PARD3B: variants seen among roughly 807,000 people sequenced by gnomAD.
PARD3B encodes the protein partitioning defective 3 homolog B.
In PARD3B, 103 loss-of-function variants were observed where a neutral mutation model predicts 130.2. The ratio of observed to expected loss-of-function variants is 0.79; its 90% CI spans 0.67 to 0.93. The LOEUF is 0.93. PARD3B is among the 40% of genes least tolerant of loss of function. PARD3B has a pLI of 0.00. For synonymous variants in PARD3B, 583 were observed against 553.2 expected, an observed-to-expected ratio of 1.05 and a Z score of -0.76; for missense variants, 1,609 against 1,499.2, an observed-to-expected ratio of 1.07 and a Z score of -1.21.
intron 18 of PARD3B, chr2:205,347,890 G>A (rs2043850431): frequency 6.6e-6 from 1 of 150,724 alleles, no homozygotes; most frequent in Non-Finnish European, 1.5e-5. Context: ...AGCAGGAGCT[G>A]AGAAATAGGA....
intron 1 of PARD3B, among the ~76,000 whole-genome samples, chr2:204,572,837 C>T (rs2032072219): frequency 6.6e-6 from 1 of 152,150 alleles, no homozygotes; most frequent in African/African-American, 2.4e-5. Flanking sequence ...TATGTAGTTC[C>T]TACCCTCTTG....
intron 13 of PARD3B, among the ~76,000 whole-genome samples, chr2:205,180,353 T>G (rs2035720728): frequency 6.6e-6 from 1 of 151,772 alleles, no homozygotes; most frequent in African/African-American, 2.4e-5. Flanking sequence ...TATAAAAGAG[T>G]ATCATGGCCA....
At chr2:205,103,723 G>GC (rs2125573710) in intron 4 of PARD3B, 1 of 985,418 alleles carries the variant, frequency 1.0e-6, no homozygotes, top group South Asian at 4.7e-5. Context: ...GGAAGCAGCA[G>GC]CATCAGGCGT....
At chr2:205,100,911 T>A (rs1194063736) in intron 4 of PARD3B, among the ~76,000 whole-genome samples, 1 of 152,112 alleles carries the variant, frequency 6.6e-6, no homozygotes, top group Non-Finnish European at 1.5e-5. Flanking sequence ...AAGGTGTACA[T>A]CTTTGTGACC....
intron 2 of PARD3B, among the ~76,000 whole-genome samples, chr2:204,862,790 A>G (rs2045263979): frequency 6.6e-6 from 1 of 152,178 alleles, no homozygotes; most frequent in Admixed American, 6.5e-5. Flanking sequence ...CGACCAGGAA[A>G]GATTAGGCTT....
At chr2:205,507,013 C>G (rs1246664300) in intron 21 of PARD3B, among the ~76,000 whole-genome samples, 1 of 151,952 alleles carries the variant, frequency 6.6e-6, no homozygotes, top group Non-Finnish European at 1.5e-5. Context: ...AAGGGGCTAC[C>G]TGAGGTAGAA....
chr2:205,085,148 T>C (rs1049656460), intron 4 of PARD3B, among the ~76,000 whole-genome samples: 1 of 152,060 alleles, frequency 6.6e-6, no homozygotes, highest in Non-Finnish European at 1.5e-5. Flanking sequence ...AGGTTGGAAT[T>C]TATTATATCT....
At chr2:204,705,141 C>T (rs1309263435) in intron 2 of PARD3B, among the ~76,000 whole-genome samples, 1 of 152,156 alleles carries the variant, frequency 6.6e-6, no homozygotes, top group African/African-American at 2.4e-5. Flanking sequence ...CACTCAGCAT[C>T]TTATTTTCAG....
chr2:204,588,288 G>A (rs181442622), intron 1 of PARD3B, among the ~76,000 whole-genome samples: 1 of 152,274 alleles, frequency 6.6e-6, no homozygotes, highest in Non-Finnish European at 1.5e-5. Flanking sequence ...CCTATTTATT[G>A]TACATGTAAT....
chr2:204,818,580 A>T (rs2043224029), intron 2 of PARD3B, among the ~76,000 whole-genome samples: 1 of 152,210 alleles, frequency 6.6e-6, no homozygotes, highest in Admixed American at 6.5e-5. Context: ...CATTGCATAT[A>T]TTAATGCTAT....
chr2:205,029,408 C>T (rs530686788), intron 3 of PARD3B, among the ~76,000 whole-genome samples: 20 of 152,224 alleles, frequency 1.3e-4, no homozygotes, highest in African/African-American at 4.6e-4. Context: ...AAGTGTCTTT[C>T]CCCTATGGGC....
intron 2 of PARD3B, among the ~76,000 whole-genome samples, chr2:204,821,958 G>T (rs892525921): frequency 6.6e-6 from 1 of 152,112 alleles, no homozygotes; most frequent in Non-Finnish European, 1.5e-5. Flanking sequence ...GCAGTCCATG[G>T]ATCAGCAGTA....
intron 20 of PARD3B, among the ~76,000 whole-genome samples, chr2:205,469,135 A>C (rs754997236): frequency 2.0e-5 from 3 of 152,134 alleles, no homozygotes; most frequent in Admixed American, 1.3e-4. Flanking sequence ...CAAATCTTGA[A>C]GCAGGCATGA....
intron 2 of PARD3B, among the ~76,000 whole-genome samples, chr2:204,910,628 G>T (rs2047197819): frequency 6.6e-6 from 1 of 151,706 alleles, no homozygotes; most frequent in Non-Finnish European, 1.5e-5. Flanking sequence ...TAAGATTACT[G>T]TTTTTTTTGT....
Position 204,678,163 on chromosome 2 carries a change from G to T in PARD3B, c.121-8018G>T, listed in dbSNP as rs1337575366. On this transcript the variant is annotated intron_variant, in intron 1 of 22. Transcript: ENST00000406610. This position sits in a 1 kb window ranked among gnomAD's most constrained non-coding sequence, Gnocchi z 4.2. Reference sequence around the variant, plus strand: ...GCTCCTTTGCAGCCGAGCTCAAACCGCTTGTGGGAGGGGGAGCACGCAGGT... The same window carrying T: ...GCTCCTTTGCAGCCGAGCTCAAACCTCTTGTGGGAGGGGGAGCACGCAGGT... Among the ~76,000 whole-genome samples, 4 of 152,112 alleles carry T rather than the reference G, an allele frequency of 2.6e-5. No individual in the cohort carries two copies. The highest frequency in any genetic ancestry group is 4.4e-5 in the Non-Finnish European group (3 of 68,022).
At chr2:205,483,603 C>G (rs2049324802) in intron 20 of PARD3B, among the ~76,000 whole-genome samples, 5 of 152,108 alleles carry the variant, frequency 3.3e-5, no homozygotes, top group Admixed American at 3.3e-4. Context: ...TCCCCTCTCT[C>G]CTTTTTCTCC....
intron 22 of PARD3B, among the ~76,000 whole-genome samples, chr2:205,597,390 G>T (rs1216978330): frequency 6.6e-6 from 1 of 152,166 alleles, no homozygotes; most frequent in Admixed American, 6.5e-5. Context: ...ATATTCCATG[G>T]TGTATATGTA....
At chr2:205,045,171 A>G (rs568001655) in intron 3 of PARD3B, among the ~76,000 whole-genome samples, 6 of 149,778 alleles carry the variant, frequency 4.0e-5, no homozygotes, top group Admixed American at 6.7e-5. Context: ...CTGAATTGTC[A>G]TCTTCTAGGA....
rs145242175 is a variant in PARD3B, at chr2:205,454,951, C to A, written c.3044+14279C>A. On this transcript the variant is annotated intron_variant, in intron 20 of 22. Coordinates refer to ENST00000406610, the MANE Select transcript of PARD3B (RefSeq NM_001302769.2). ...TACCCTTGAAAATCCCTTAAACTACCCTTTAAGCAAAGTGTGTATGATATT... is the reference window on the plus strand; with the variant it reads ...TACCCTTGAAAATCCCTTAAACTACACTTTAAGCAAAGTGTGTATGATATT... 1.2e-3 allele frequency among the ~76,000 whole-genome samples: 182 copies of A among 152,092 alleles called. 2 individuals are homozygous for A. The highest frequency in any genetic ancestry group is 3.9e-3 in the African/African-American group (161 of 41,508).
Sources: gnomAD v4.1 joint callset for allele counts (sites outside exome capture counted in the v4.1 genomes callset) on GRCh38, gnomAD v4.1.1 for gene constraint, Gnocchi (gnomAD v3.1) non-coding constraint, MANE v1.5 for transcripts, NCBI Gene and HGNC (gene_info 2026-07-23, HGNC 2026-07-21) for gene names.